The following MOXD1 variants were observed in gnomAD, a reference collection of about 807,000 sequenced individuals.
MOXD1 encodes the protein monooxygenase DBH like 1, also known as DBH-like monooxygenase protein 1.
A neutral mutation model predicts 66.6 loss-of-function variants in MOXD1; 62 were observed. That is an observed-to-expected ratio of 0.93 (90% confidence interval 0.76 to 1.15). MOXD1 has a LOEUF of 1.15. Among genes scored for constraint, MOXD1 ranks in the 50% most tolerant of loss-of-function variants. The pLI is 0.00. For missense variants in MOXD1, 847 were observed against 754.6 expected, an observed-to-expected ratio of 1.12 and a Z score of -1.44; for synonymous variants, 303 against 281.9, an observed-to-expected ratio of 1.07 and a Z score of -0.75.
intron 4 of MOXD1, among the ~76,000 whole-genome samples, chr6:132,336,894 C>A (rs1775453029): frequency 6.6e-6 from 1 of 152,170 alleles, no homozygotes; most frequent in Non-Finnish European, 1.5e-5. Context: ...GGGAAGGGTG[C>A]CCAGCCTATC....
chr6:132,366,986 A>G (rs1250939597), intron 4 of MOXD1, among the ~76,000 whole-genome samples: 1 of 152,118 alleles, frequency 6.6e-6, no homozygotes, highest in Non-Finnish European at 1.5e-5. Context: ...TATGAGTGCT[A>G]CCAATAGAAG....
chr6:132,375,372 G>A (rs1776358023), intron 1 of MOXD1, among the ~76,000 whole-genome samples: 1 of 152,208 alleles, frequency 6.6e-6, no homozygotes, highest in South Asian at 2.1e-4. Context: ...AACTAGGGAA[G>A]TTTTGTTTTG....
chr6:132,342,233 C>T (rs1775578602), intron 4 of MOXD1, among the ~76,000 whole-genome samples: 1 of 152,234 alleles, frequency 6.6e-6, no homozygotes, highest in Non-Finnish European at 1.5e-5. Context: ...AACTCCTGAC[C>T]TCATGATCTG....
At chr6:132,392,240 A>G (rs749931497) in intron 1 of MOXD1, 6 of 1,602,612 alleles carry the variant, frequency 3.7e-6, no homozygotes, top group Admixed American at 1.7e-5. Flanking sequence ...GGCAGCAATT[A>G]CCCTGCTGCT....
intron 4 of MOXD1, among the ~76,000 whole-genome samples, chr6:132,340,172 C>A (rs540061324): frequency 1.3e-5 from 2 of 152,184 alleles, no homozygotes; most frequent in African/African-American, 4.8e-5. Flanking sequence ...TGCGAGCCAC[C>A]GCGCCTGGCC....
intron 4 of MOXD1, among the ~76,000 whole-genome samples, chr6:132,350,486 G>C (rs1775780487): frequency 6.6e-6 from 1 of 152,058 alleles, no homozygotes; most frequent in Non-Finnish European, 1.5e-5. Context: ...TGGTCTATGT[G>C]CCTATTTTTA....
intron 4 of MOXD1, among the ~76,000 whole-genome samples, chr6:132,337,033 C>T (rs1044172807): frequency 1.3e-5 from 2 of 152,150 alleles, no homozygotes; most frequent in African/African-American, 4.8e-5. Flanking sequence ...AGTGAGATAC[C>T]ATCAAGCAAG....
chr6:132,372,331 G>C (rs897832828), intron 4 of MOXD1, among the ~76,000 whole-genome samples: 5 of 152,090 alleles, frequency 3.3e-5, no homozygotes, highest in Non-Finnish European at 5.9e-5. Flanking sequence ...TCCAATTGTA[G>C]AAATGTTGCC....
intron 10 of MOXD1, among the ~76,000 whole-genome samples, chr6:132,309,458 T>A (rs761189394): frequency 2.1e-4 from 32 of 152,200 alleles, no homozygotes; most frequent in Non-Finnish European, 4.0e-4. Context: ...ACGTAATTTA[T>A]AGATTCAACG....
intron 1 of MOXD1, among the ~76,000 whole-genome samples, chr6:132,383,902 T>G (rs1776560263): frequency 6.6e-6 from 1 of 152,056 alleles, no homozygotes; most frequent in African/African-American, 2.4e-5. Flanking sequence ...AAACCCCATC[T>G]CTACTAAAAA....
chr6:132,322,339 C>T (rs115911434), intron 8 of MOXD1, among the ~76,000 whole-genome samples: 2,649 of 152,212 alleles, frequency 0.017, 79 homozygotes, highest in African/African-American at 0.061. Flanking sequence ...TCTATTTTAC[C>T]ACTGCAGGAA....
chr6:132,329,616 A>G (rs2114586359), intron 4 of MOXD1, among the ~76,000 whole-genome samples: 1 of 152,218 alleles, frequency 6.6e-6, no homozygotes, highest in South Asian at 2.1e-4. Flanking sequence ...GAAGAAGGCT[A>G]GGGCTCAATC....
chr6:132,305,070 G>A (rs1440883938), intron 10 of MOXD1, among the ~76,000 whole-genome samples: 2 of 152,312 alleles, frequency 1.3e-5, no homozygotes, highest in South Asian at 2.1e-4. Flanking sequence ...CTTGGGAGAG[G>A]AGCAGCAGCC....
intron 10 of MOXD1, among the ~76,000 whole-genome samples, chr6:132,308,083 G>C (rs1319591808): frequency 7.6e-6 from 1 of 131,396 alleles, no homozygotes; most frequent in African/African-American, 3.6e-5. Flanking sequence ...CCAGGAAGTG[G>C]TTTTTTGAAA....
intron 9 of MOXD1, among the ~76,000 whole-genome samples, chr6:132,317,693 T>C (rs900577615): frequency 3.3e-5 from 5 of 152,196 alleles, no homozygotes; most frequent in African/African-American, 1.2e-4. Context: ...ATTATGTCTT[T>C]AGTAAAATAA....
rs1775132722 is a variant in MOXD1 at position 132,323,930 on chromosome 6, C to T, written c.1113+1G>A. On this transcript the variant is annotated splice_donor_variant, in intron 7 of 11. Transcript: ENST00000367963. LOFTEE classifies it high-confidence loss of function. The stretch of plus-strand genomic sequence containing the variant: ...GCAGCTCAGACTCAGATGCTGCATA[C>T]CTCTTCCAGGCACTCCAAAGTGCAG... 6.2e-7 allele frequency: 1 copy of T among 1,600,910 alleles called. No individual in the cohort carries two copies. Among genetic ancestry groups the T allele is most frequent in the Non-Finnish European group, 8.5e-7 (1 of 1,175,676 alleles).
intron 10 of MOXD1, among the ~76,000 whole-genome samples, chr6:132,308,670 C>G (rs1774751730): frequency 6.6e-6 from 1 of 152,144 alleles, no homozygotes; most frequent in Non-Finnish European, 1.5e-5. Context: ...AACTTATCCA[C>G]CACAATCAAG....
chr6:132,349,169 T>G (rs1562289772), intron 4 of MOXD1, among the ~76,000 whole-genome samples: 1 of 148,852 alleles, frequency 6.7e-6, no homozygotes, highest in African/African-American at 2.5e-5. Context: ...GTCCATTGTA[T>G]CATTCTTATG....
intron 10 of MOXD1, among the ~76,000 whole-genome samples, chr6:132,313,902 C>T (rs1034616126): frequency 1.1e-4 from 16 of 151,978 alleles, no homozygotes; most frequent in Admixed American, 3.3e-4. Flanking sequence ...GTGACAAGAG[C>T]GAAACTCTGT....
Sources: gnomAD v4.1 joint callset for allele counts (sites outside exome capture counted in the v4.1 genomes callset) on GRCh38, gnomAD v4.1.1 for gene constraint, MANE v1.5 for transcripts, NCBI Gene and HGNC (gene_info 2026-07-23, HGNC 2026-07-21) for gene names.